The following TMCC2 variants were observed in gnomAD, a reference collection of about 807,000 sequenced individuals.
TMCC2 encodes the protein transmembrane and coiled-coil domain family 2, also known as transmembrane and coiled-coil domains protein 2.
In TMCC2, 16 loss-of-function variants were observed where a neutral mutation model predicts 49.4. The observed-to-expected ratio is 0.32, with a 90% CI of 0.22 to 0.49. The LOEUF (loss-of-function observed/expected upper bound fraction) is 0.49. Ranked by LOEUF, TMCC2 falls within the 20% of genes least tolerant of loss-of-function variation. The pLI is 0.99. For missense variants in TMCC2, 762 were observed against 989.8 expected, an observed-to-expected ratio of 0.77 and a Z score of 3.09; for synonymous variants, 397 against 434.1, an observed-to-expected ratio of 0.91 and a Z score of 1.06.
intron 2 of TMCC2, chr1:205,256,057 A>T (rs1341661766): frequency 4.0e-6 from 2 of 499,132 alleles, no homozygotes; most frequent in Non-Finnish European, 6.9e-6. Context: ...GATCTCAGTG[A>T]TTTTGGCCTG....
intron 2 of TMCC2, among the ~76,000 whole-genome samples, chr1:205,257,614 C>T (rs913621500): frequency 6.6e-6 from 1 of 152,146 alleles, no homozygotes; most frequent in African/African-American, 2.4e-5. Context: ...TGAACCCTGG[C>T]AGAGATGCCT....
At chr1:205,271,371 G>A in intron 4 of TMCC2, 116 bp downstream of exon 4, 5 of 1,537,636 alleles carry the variant, frequency 3.3e-6, no homozygotes, top group Non-Finnish European at 4.5e-6. Flanking sequence ...CTGTTGGCCG[G>A]GGCCGATAGG....
intron 2 of TMCC2, chr1:205,256,299 G>T (rs753860828): frequency 6.5e-7 from 1 of 1,548,660 alleles, no homozygotes; most frequent in African/African-American, 1.4e-5. Context: ...CTGGCCAGCC[G>T]GTGACACTGC....
Position 205,271,128 on chromosome 1 carries a change from G to A in TMCC2, c.1691G>A (p.Arg564Gln), listed in dbSNP as rs1390128132. 5.0e-6 allele frequency: 8 copies of A among 1,612,724 alleles called. No homozygotes were observed. The Admixed American group carries it at 8.3e-5, about 17-fold the overall frequency. The change falls in exon 4 of 5, where the codon CGG (arginine) becomes CAG (glutamine). Residue 564 changes from arginine (R) to glutamine (Q), a missense_variant. By Grantham distance (43) the Arg-to-Gln change is conservative. Transcript: ENST00000358024. Reference protein sequence around the residue: ...CLQEERYRYERLEEQLNDLTE... With the variant: ...CLQEERYRYEQLEEQLNDLTE... Reference sequence around the variant, plus strand: ...CTCTCTCCCTCCGCCAGGTACGAGCGGCTGGAGGAGCAGCTCAACGACCTG... The same window carrying A: ...CTCTCTCCCTCCGCCAGGTACGAGCAGCTGGAGGAGCAGCTCAACGACCTG...
At chr1:205,268,084 T>A (rs1180241023) in intron 2 of TMCC2, 10 of 985,116 alleles carry the variant, frequency 1.0e-5, no homozygotes, top group Non-Finnish European at 1.1e-5. Flanking sequence ...GGGAGAGGTG[T>A]CAGCAGAGGC....
Position 205,228,789 on chromosome 1 carries a change from C to A in TMCC2, c.207+18C>A, listed in dbSNP as rs1460522453. 1 of 1,570,900 alleles carries A rather than the reference C, an allele frequency of 6.4e-7. No individual in the cohort carries two copies. Among genetic ancestry groups the A allele is most frequent in the South Asian group, 1.2e-5 (1 of 86,684 alleles). ...ATTTAAAGGTGAGCGCAGACCATCC[C>A]CCCGGCAAGCCCAGCCCGCGACTTA... On this transcript the variant is annotated intron_variant, in intron 1 of 4. Transcript: ENST00000358024.
chr1:205,246,511 C>G (rs1021209221), intron 2 of TMCC2: 3 of 1,492,126 alleles, frequency 2.0e-6, no homozygotes, highest in Non-Finnish European at 2.7e-6. Context: ...CATTTGCAAG[C>G]CTAGCCTCCA....
chr1:205,229,480 C>T (rs375219824), intron 1 of TMCC2: 3 of 329,130 alleles, frequency 9.1e-6, no homozygotes, highest in South Asian at 1.2e-4. Context: ...GCCACCGTGC[C>T]GGGCCCCATT....
At chr1:205,254,886 C>T (rs903538594) in intron 2 of TMCC2, among the ~76,000 whole-genome samples, 1 of 152,216 alleles carries the variant, frequency 6.6e-6, no homozygotes. Context: ...GCCTTCTCTT[C>T]CTTTTCCTCT....
chr1:205,261,735 T>G (rs1309156163), intron 2 of TMCC2, among the ~76,000 whole-genome samples: 2 of 152,134 alleles, frequency 1.3e-5, no homozygotes, highest in Non-Finnish European at 2.9e-5. Context: ...CTTAATTTGT[T>G]CGTATTTGTT....
intron 2 of TMCC2, among the ~76,000 whole-genome samples, chr1:205,243,484 C>T (rs1219792541): frequency 6.6e-6 from 1 of 152,160 alleles, no homozygotes; most frequent in Non-Finnish European, 1.5e-5. Flanking sequence ...GTCTAGGCTG[C>T]AGCAGTGGGG....
At chr1:205,249,154 T>C (rs1250301586) in intron 2 of TMCC2, among the ~76,000 whole-genome samples, 2 of 152,196 alleles carry the variant, frequency 1.3e-5, no homozygotes, top group Non-Finnish European at 1.5e-5. Context: ...GACAACGTCC[T>C]GACTGGATGC....
In TMCC2 at chr1:205,265,235, G is replaced by C. The variant is rs554204695; in HGVS notation, c.748-3715G>C. ...CCTCTGCACCCACCATCAGGCCCCA[G>C]CTGTTTTTCCCAGGAGTGTTTCTTC... On this transcript the variant is annotated intron_variant, in intron 2 of 4. Transcript: ENST00000358024. Among the ~76,000 whole-genome samples the C allele has an allele frequency of 9.1e-4, 139 of 152,308 alleles. 4 individuals carry two copies. In the East Asian group the frequency reaches 0.023, roughly 25 times the overall value.
intron 1 of TMCC2, among the ~76,000 whole-genome samples, chr1:205,238,793 G>A (rs544324101): frequency 1.3e-3 from 193 of 152,286 alleles, no homozygotes; most frequent in Middle Eastern, 3.4e-3. Flanking sequence ...TGTGTGGCTT[G>A]GATGAGCCAC....
rs907532453 is a variant in TMCC2 at position 205,256,103 on chromosome 1, G to A, written c.748-12847G>A. ...CACTGGCTCCCAGAGATAGCACTGG[G>A]CCCTTATCTCTTCACACCTTCTTGA... On this transcript the variant is annotated intron_variant, in intron 2 of 4. Coordinates refer to ENST00000358024, the MANE Select transcript of TMCC2 (RefSeq NM_014858.4). 7 of 936,850 alleles carry A rather than the reference G, an allele frequency of 7.5e-6. No individual in the cohort carries two copies. The African/African-American group carries it at 8.3e-5, about 11-fold the overall frequency. The allele number at this position is 936,850 out of a possible 1,614,324, so 58.0% of individuals were successfully genotyped here. A position where few individuals can be genotyped will look rare whatever the true frequency, so the allele number is the denominator to read the frequency against.
chr1:205,236,933 C>T (rs1435370827), intron 1 of TMCC2: 1 of 152,142 alleles, frequency 6.6e-6, no homozygotes, highest in Non-Finnish European at 1.5e-5. Flanking sequence ...CCTTTTCCCA[C>T]TTGCTTTGGC....
At chr1:205,249,167 C>T (rs764584468) in intron 2 of TMCC2, among the ~76,000 whole-genome samples, 2 of 152,196 alleles carry the variant, frequency 1.3e-5, no homozygotes, top group Non-Finnish European at 2.9e-5. Flanking sequence ...CTGGATGCTT[C>T]CCTGTGGCCT....
chr1:205,229,570 G>GC, intron 1 of TMCC2: 1 of 869,818 alleles, frequency 1.1e-6, no homozygotes, highest in Non-Finnish European at 1.4e-6. Context: ...GGTGGCGGGG[G>GC]CGGGGGGGGA....
chr1:205,241,658 G>A lies in TMCC2; in HGVS notation c.361G>A (p.Asp121Asn). The change falls in exon 2 of 5, where the codon GAT becomes AAT. Residue 121 changes from aspartate to asparagine, a missense_variant. Coordinates refer to ENST00000358024, the MANE Select transcript of TMCC2 (RefSeq NM_014858.4). The surrounding 1 kb of genome is among the most constrained non-coding windows in gnomAD (Gnocchi z 7.3). ...QQGMSDHDSP[D>N]EKERSPEMHR... ...GGGTATGTCCGACCATGACTCCCCAGATGAGAAGGAGCGCTCTCCGGAGAT... is the reference window on the plus strand; with the variant it reads ...GGGTATGTCCGACCATGACTCCCCAAATGAGAAGGAGCGCTCTCCGGAGAT... 1.2e-6 allele frequency: 2 copies of A among 1,613,852 alleles called. No homozygotes were observed. The highest frequency in any genetic ancestry group is 2.2e-5 in the South Asian group (2 of 91,082).
Sources: gnomAD v4.1 joint callset for allele counts (sites outside exome capture counted in the v4.1 genomes callset) on GRCh38, gnomAD v4.1.1 for gene constraint, Gnocchi (gnomAD v3.1) non-coding constraint, MANE v1.5 for transcripts, NCBI Gene and HGNC (gene_info 2026-07-23, HGNC 2026-07-21) for gene names.